ROBO2: variants seen among roughly 807,000 people sequenced by gnomAD.
ROBO2 encodes the protein roundabout homolog 2.
In ROBO2, 53 loss-of-function variants were observed where a neutral mutation model predicts 160.8. That is an observed-to-expected ratio of 0.33 (90% confidence interval 0.26 to 0.41). ROBO2 has a LOEUF of 0.41. Among genes scored for constraint, ROBO2 ranks in the 10% least tolerant of loss-of-function variants. The pLI is 1.00. For missense variants in ROBO2, 1,577 were observed against 1,722.4 expected (o/e 0.92, Z 1.49); for synonymous variants, 664 against 611.7 (o/e 1.09, Z -1.26).
At chr3:76,440,554 T>A (rs1397948597) in intron 2 of ROBO2, among the ~76,000 whole-genome samples, 1 of 152,126 alleles carries the variant, frequency 6.6e-6, no homozygotes, top group Non-Finnish European at 1.5e-5. Context: ...GTGAACAGAT[T>A]TAATTGAAGG....
upstream of ROBO2, among the ~76,000 whole-genome samples, chr3:77,039,639 G>A (rs2063872889): frequency 1.3e-5 from 2 of 151,966 alleles, no homozygotes; most frequent in Non-Finnish European, 2.9e-5. Flanking sequence ...GTTCATCTCC[G>A]TCCCCCCGGG....
At chr3:77,474,551 T>A (rs1037768136) in intron 2 of ROBO2, among the ~76,000 whole-genome samples, 3 of 151,956 alleles carry the variant, frequency 2.0e-5, no homozygotes, top group African/African-American at 7.3e-5. Context: ...TTTTGGAGAG[T>A]TAGGTAACAC....
intron 2 of ROBO2, among the ~76,000 whole-genome samples, chr3:76,762,611 G>C (rs2061370205): frequency 6.6e-6 from 1 of 151,614 alleles, no homozygotes; most frequent in Admixed American, 6.6e-5. Flanking sequence ...GTTCATGACA[G>C]AGGAACATTT....
intron 2 of ROBO2, among the ~76,000 whole-genome samples, chr3:76,124,753 A>T (rs72894591): frequency 0.049 from 7,459 of 152,240 alleles, 365 homozygotes; most frequent in East Asian, 0.13. Flanking sequence ...GTCTAATATT[A>T]CATATATTTT....
chr3:76,630,042 G>A (rs373928756), intron 2 of ROBO2, among the ~76,000 whole-genome samples: 3 of 152,024 alleles, frequency 2.0e-5, no homozygotes, highest in South Asian at 2.1e-4. Flanking sequence ...CTGCCTCCCC[G>A]CTTGGCTGAC....
intron 22 of ROBO2, among the ~76,000 whole-genome samples, chr3:77,619,900 G>A (rs2094865189): frequency 6.6e-6 from 1 of 152,188 alleles, no homozygotes; most frequent in African/African-American, 2.4e-5. Flanking sequence ...AAATGAGTAT[G>A]AACTTATATA....
chr3:76,618,125 C>G (rs17014452), intron 2 of ROBO2, among the ~76,000 whole-genome samples: 26,547 of 151,406 alleles, frequency 0.18, 2,694 homozygotes, highest in African/African-American at 0.21. Context: ...CAAACCAGAG[C>G]CAGGGAGGAC....
At chr3:77,318,669 T>C (rs900903810) in intron 2 of ROBO2, among the ~76,000 whole-genome samples, 5 of 152,202 alleles carry the variant, frequency 3.3e-5, no homozygotes, top group African/African-American at 1.2e-4. Flanking sequence ...TGTTCTCATC[T>C]ATAAAATAAG....
chr3:76,045,180 G>T (rs1051452592), intron 2 of ROBO2, among the ~76,000 whole-genome samples: 2 of 152,020 alleles, frequency 1.3e-5, no homozygotes, highest in Non-Finnish European at 2.9e-5. Context: ...GTGCCCCCGT[G>T]TGGCACAGTG....
rs1576229404 is a variant in ROBO2, at chr3:76,277,624, A to T, written c.109+340022A>T. Reference sequence around the variant, plus strand: ...AAAAGCCTTCAGCAATTGACTTTGGATGCTCAGTACCAAAAGCCAATGTAT... The same window carrying T: ...AAAAGCCTTCAGCAATTGACTTTGGTTGCTCAGTACCAAAAGCCAATGTAT... On this transcript the variant is annotated intron_variant, in intron 2 of 26. Transcript: ENST00000487694. Among the ~76,000 whole-genome samples, 3 of 152,098 alleles carry T rather than the reference A, an allele frequency of 2.0e-5. No homozygotes were observed. In the South Asian group the frequency reaches 6.2e-4, roughly 32 times the overall value.
intron 2 of ROBO2, among the ~76,000 whole-genome samples, chr3:76,272,893 A>AT (rs544962221): frequency 3.5e-4 from 13 of 37,150 alleles, no homozygotes; most frequent in African/African-American, 1.2e-3. Context: ...TATATATAAA[A>AT]ATATAATATA....
intron 2 of ROBO2, among the ~76,000 whole-genome samples, chr3:76,002,944 C>A (rs368748383): frequency 1.1e-4 from 16 of 152,152 alleles, no homozygotes; most frequent in East Asian, 7.7e-4. Flanking sequence ...CAGGAAACTA[C>A]TACAGATACA....
chr3:76,715,262 A>G (rs530099984), intron 2 of ROBO2, among the ~76,000 whole-genome samples: 4 of 152,294 alleles, frequency 2.6e-5, no homozygotes, highest in African/African-American at 9.6e-5. Context: ...ATAATCTTCC[A>G]GGTATTAATA....
intron 2 of ROBO2, among the ~76,000 whole-genome samples, chr3:77,293,487 T>G (rs1019626702): frequency 2.7e-5 from 4 of 146,298 alleles, no homozygotes; most frequent in African/African-American, 1.1e-4. Flanking sequence ...AAGCTGAGGC[T>G]AGATCACCCC....
At position 75,995,302 on chromosome 3, in the gene ROBO2, A is replaced by G. The variant is rs190768572; in HGVS notation, c.109+57700A>G. Among the ~76,000 whole-genome samples the G allele has an allele frequency of 2.3e-3, 350 of 152,268 alleles. 1 individual carries two copies. The highest frequency in any genetic ancestry group is 4.2e-3 in the Non-Finnish European group (286 of 68,012). On this transcript the variant is annotated intron_variant, in intron 2 of 26. Transcript: ENST00000487694. Reference sequence around the variant, plus strand: ...GGTCCAGGACCTTGCTGCCGTGTACAGTCTCAGGGCTTGGTGCTCTGCATC... The same window carrying G: ...GGTCCAGGACCTTGCTGCCGTGTACGGTCTCAGGGCTTGGTGCTCTGCATC...
chr3:77,038,204 G>T (rs2063749572), upstream of ROBO2, among the ~76,000 whole-genome samples: 1 of 152,114 alleles, frequency 6.6e-6, no homozygotes, highest in South Asian at 2.1e-4. Context: ...TAAAACAATA[G>T]CACATTCAGA....
chr3:77,277,724 C>T lies in ROBO2; in HGVS notation c.388+179384C>T, dbSNP rs143757868. ...GTCACTGTGGACATTTGGGTTGATTCCATGTCTCTGCTGTTGTGAATAGTG... is the reference window on the plus strand; with the variant it reads ...GTCACTGTGGACATTTGGGTTGATTTCATGTCTCTGCTGTTGTGAATAGTG... On this transcript the variant is annotated intron_variant, in intron 2 of 25. Coordinates refer to ENST00000461745, the Ensembl canonical transcript of ROBO2. Among the ~76,000 whole-genome samples, 739 of 152,174 alleles carry T rather than the reference C, an allele frequency of 4.9e-3. 3 individuals carry two copies. The highest frequency in any genetic ancestry group is 7.5e-3 in the Non-Finnish European group (509 of 68,020).
intron 2 of ROBO2, among the ~76,000 whole-genome samples, chr3:76,991,952 G>A (rs1307221451): frequency 1.3e-5 from 2 of 152,052 alleles, no homozygotes; most frequent in African/African-American, 4.8e-5. Context: ...ATACATATGG[G>A]ACACTGTAGA....
At chr3:76,235,623 T>G in intron 2 of ROBO2, among the ~76,000 whole-genome samples, 1 of 152,154 alleles carries the variant, frequency 6.6e-6, no homozygotes, top group Non-Finnish European at 1.5e-5. Flanking sequence ...ACATAAAAAT[T>G]TAAAGCAACC....
Sources: gnomAD v4.1 joint callset for allele counts (sites outside exome capture counted in the v4.1 genomes callset) on GRCh38, gnomAD v4.1.1 for gene constraint, MANE v1.5 for transcripts, NCBI Gene and HGNC (gene_info 2026-07-23, HGNC 2026-07-21) for gene names.